PDGFRL: variants seen among roughly 807,000 people sequenced by gnomAD.
PDGFRL encodes the protein platelet derived growth factor receptor like, also known as platelet-derived growth factor receptor-like protein.
A neutral mutation model predicts 37.2 loss-of-function variants in PDGFRL; 46 were observed. The ratio of observed to expected loss-of-function variants is 1.24; its 90% CI spans 0.98 to 1.58. The LOEUF (loss-of-function observed/expected upper bound fraction) is 1.58. Among genes scored for constraint, PDGFRL ranks in the 40% most tolerant of loss-of-function variants. The pLI, the probability that PDGFRL is intolerant of heterozygous loss-of-function variation, is 0.00. For missense variants in PDGFRL, 692 were observed against 467.6 expected (o/e 1.48, Z -4.43); for synonymous variants, 251 against 184.3 (o/e 1.36, Z -2.93).
rs561392900 is a variant in PDGFRL, at chr8:17,624,132, A to G, written c.505+2930A>G. Among the ~76,000 whole-genome samples the G allele has an allele frequency of 4.6e-4, 70 of 152,266 alleles. 2 individuals carry two copies. In the South Asian group the frequency reaches 0.014, roughly 31 times the overall value. ...ATAGGGTTTGGCAATTTGTCTTTTC[A>G]AGCATGGATGGCTTTGAGAAACCAA... On this transcript the variant is annotated intron_variant, in intron 3 of 5. Coordinates refer to ENST00000251630, the MANE Select transcript of PDGFRL (RefSeq NM_001372073.1).
chr8:17,639,892 C>T (rs892182828), intron 5 of PDGFRL, among the ~76,000 whole-genome samples: 13 of 152,158 alleles, frequency 8.5e-5, no homozygotes, highest in Non-Finnish European at 1.5e-4. Context: ...TTAGATTTCT[C>T]CTCTTCCTCA....
At chr8:17,576,668 C>A, upstream of PDGFRL, 1 of 976,770 alleles carries the variant, frequency 1.0e-6, no homozygotes, top group Non-Finnish European at 1.2e-6. Context: ...AACCCGTCCT[C>A]CCACCCCCAC....
chr8:17,579,291 T>TAACC (rs1803656095), intron 1 of PDGFRL, among the ~76,000 whole-genome samples: 1 of 152,162 alleles, frequency 6.6e-6, no homozygotes, highest in Admixed American at 6.5e-5. Context: ...TTAAGTTATG[T>TAACC]AACCGTTTGG....
chr8:17,611,377 CA>C (rs2129719002), intron 2 of PDGFRL, among the ~76,000 whole-genome samples: 1 of 152,336 alleles, frequency 6.6e-6, no homozygotes, highest in East Asian at 1.9e-4. Context: ...AACCGTAGTT[CA>C]AGGTCACATA....
rs574974867 is a variant in PDGFRL at position 17,609,831 on chromosome 8, C to G, written c.354-11220C>G. Among the ~76,000 whole-genome samples the G allele has an allele frequency of 7.2e-5, 11 of 152,120 alleles. No individual in the cohort carries two copies. In the South Asian group the frequency reaches 2.3e-3, roughly 32 times the overall value. On this transcript the variant is annotated intron_variant, in intron 2 of 5. Transcript: ENST00000251630. The stretch of plus-strand genomic sequence containing the variant: ...GTTGCACAGCTTTTAGTAAAGTAAA[C>G]TCAAATCAAGCCATATTCCCAAGAT...
At chr8:17,622,829 A>G (rs1804659649) in intron 3 of PDGFRL, among the ~76,000 whole-genome samples, 1 of 152,132 alleles carries the variant, frequency 6.6e-6, no homozygotes, top group African/African-American at 2.4e-5. Flanking sequence ...AGAGGCGTGA[A>G]TTCCTGGCGG....
intron 3 of PDGFRL, among the ~76,000 whole-genome samples, chr8:17,623,738 GTGGT>G (rs918854186): frequency 2.8e-4 from 43 of 152,066 alleles, no homozygotes; most frequent in African/African-American, 9.2e-4. Context: ...GCTGGGCGTG[GTGGT>G]GCACAGTTGT....
intron 2 of PDGFRL, among the ~76,000 whole-genome samples, chr8:17,602,344 G>A (rs1804183498): frequency 6.6e-6 from 1 of 152,184 alleles, no homozygotes; most frequent in Admixed American, 6.5e-5. Context: ...ATGAGTCCCA[G>A]AACTTGGGAG....
At chr8:17,581,388 G>T (rs1180792463) in intron 1 of PDGFRL, among the ~76,000 whole-genome samples, 1 of 152,152 alleles carries the variant, frequency 6.6e-6, no homozygotes, top group African/African-American at 2.4e-5. Flanking sequence ...TTTAGGGCTG[G>T]CTTCTAGATG....
intron 1 of PDGFRL, among the ~76,000 whole-genome samples, chr8:17,585,955 T>A (rs1803805932): frequency 8.5e-6 from 1 of 117,646 alleles, no homozygotes; most frequent in Non-Finnish European, 1.9e-5. Flanking sequence ...TTTTTGTCTG[T>A]TTTTTCTTTT....
At chr8:17,635,830 G>T (rs1390533478) in intron 5 of PDGFRL, among the ~76,000 whole-genome samples, 1 of 152,134 alleles carries the variant, frequency 6.6e-6, no homozygotes, top group African/African-American at 2.4e-5. Flanking sequence ...CAGGAGTAAG[G>T]TGGTATCACA....
At position 17,587,750 on chromosome 8, in the gene PDGFRL, C is replaced by T. The variant is rs1167312583; in HGVS notation, c.56-1718C>T. 2.6e-5 allele frequency among the ~76,000 whole-genome samples: 4 copies of T among 152,082 alleles called. 1 individual carries two copies. The highest frequency in any genetic ancestry group is 5.9e-5 in the Non-Finnish European group (4 of 68,034). ...TCAAGCAGTTCTTGTGCCTCAGCCT[C>T]CCGAGTGGTAGCTGGGATTACAGGC... On this transcript the variant is annotated intron_variant, in intron 1 of 5. Transcript: ENST00000251630.
intron 5 of PDGFRL, 105 bp from the exon 6 acceptor site, chr8:17,642,508 T>A (rs749537127): frequency 4.2e-6 from 3 of 709,114 alleles, no homozygotes; most frequent in Non-Finnish European, 7.6e-6. Context: ...TTTATAAGCA[T>A]GTGCTTTGCT....
Position 17,594,596 on chromosome 8 carries a change from C to G in PDGFRL, c.353+4831C>G, listed in dbSNP as rs963720985. On this transcript the variant is annotated intron_variant, in intron 2 of 5. Transcript: ENST00000251630. ...TTGAGATGGAGTCTTGCTCTGTCACCCAGGCTGGAGTGCAGTGGTGCGATC... is the reference window on the plus strand; with the variant it reads ...TTGAGATGGAGTCTTGCTCTGTCACGCAGGCTGGAGTGCAGTGGTGCGATC... Among the ~76,000 whole-genome samples, 5 of 151,800 alleles carry G rather than the reference C, an allele frequency of 3.3e-5. No homozygotes were observed. In the East Asian group the frequency reaches 5.8e-4, roughly 18 times the overall value.
intron 5 of PDGFRL, among the ~76,000 whole-genome samples, chr8:17,640,885 C>G (rs1197344155): frequency 6.6e-6 from 1 of 151,948 alleles, no homozygotes; most frequent in African/African-American, 2.4e-5. Flanking sequence ...TAGAAAAAGA[C>G]CATTAGTTGG....
chr8:17,602,146 T>C (rs192885188), intron 2 of PDGFRL, among the ~76,000 whole-genome samples: 1 of 152,236 alleles, frequency 6.6e-6, no homozygotes, highest in African/African-American at 2.4e-5. Flanking sequence ...CTTTGGTTAC[T>C]AGCAGTTCTG....
intron 1 of PDGFRL, among the ~76,000 whole-genome samples, chr8:17,585,555 G>A (rs1258276653): frequency 6.6e-6 from 1 of 152,176 alleles, no homozygotes; most frequent in Non-Finnish European, 1.5e-5. Context: ...ATGGAAAAAT[G>A]AGAGTGGCAT....
In PDGFRL at chr8:17,606,886, G is replaced by GTTTTTTTTTTTTTTTTTTTTTTTTTT. The variant is rs371085758; in HGVS notation, c.354-14158_354-14157insTTTTTTTTTTTTTTTTTTTTTTTTTT. ...AGAAACAGCCAGTTTTTCGTTTTTTGTTTTTTTGTTTTTTTTTTTTTTTTT... is the reference window on the plus strand; with the variant it reads ...AGAAACAGCCAGTTTTTCGTTTTTTGTTTTTTTTTTTTTTTTTTTTTTTTTTTTTTTTTGTTTTTTTTTTTTTTTTT... On this transcript the variant is annotated intron_variant, in intron 2 of 5. Coordinates refer to ENST00000251630, the MANE Select transcript of PDGFRL (RefSeq NM_001372073.1). Among the ~76,000 whole-genome samples, 2 of 138,262 alleles carry GTTTTTTTTTTTTTTTTTTTTTTTTTT rather than the reference G, an allele frequency of 1.4e-5. 1 individual carries two copies. 90.7% of individuals were successfully genotyped at this position (138,262 alleles called of 152,430 possible). A position where few individuals can be genotyped will look rare whatever the true frequency, so the allele number is the denominator to read the frequency against.
At chr8:17,625,743 C>G (rs539435184) in intron 3 of PDGFRL, among the ~76,000 whole-genome samples, 7 of 152,244 alleles carry the variant, frequency 4.6e-5, no homozygotes, top group African/African-American at 1.7e-4. Flanking sequence ...AATCTCAGCA[C>G]TTTGGGAGGC....
Sources: gnomAD v4.1 joint callset for allele counts (sites outside exome capture counted in the v4.1 genomes callset) on GRCh38, gnomAD v4.1.1 for gene constraint, MANE v1.5 for transcripts, NCBI Gene and HGNC (gene_info 2026-07-23, HGNC 2026-07-21) for gene names.